ST6GALNAC3: variants seen among roughly 807,000 people sequenced by gnomAD.
The protein encoded by ST6GALNAC3 is ST6 N-acetylgalactosaminide alpha-2,6-sialyltransferase 3, also known as alpha-N-acetylgalactosaminide alpha-2,6-sialyltransferase 3.
In ST6GALNAC3, 25 loss-of-function variants were observed where a neutral mutation model predicts 32.7. The ratio of observed to expected loss-of-function variants is 0.76; its 90% CI spans 0.56 to 1.07. The LOEUF (loss-of-function observed/expected upper bound fraction) is 1.07, where lower values mean the gene tolerates loss of function less well. Ranked by LOEUF, ST6GALNAC3 falls within the 50% of genes least tolerant of loss-of-function variation. ST6GALNAC3 has a pLI of 0.00. For missense variants in ST6GALNAC3, 355 were observed against 382.4 expected, an observed-to-expected ratio of 0.93 and a Z score of 0.60; for synonymous variants, 129 against 133.1, an observed-to-expected ratio of 0.97 and a Z score of 0.21.
intron 2 of ST6GALNAC3, among the ~76,000 whole-genome samples, chr1:76,327,921 T>C (rs1373377513): frequency 1.3e-5 from 2 of 152,226 alleles, no homozygotes; most frequent in Non-Finnish European, 2.9e-5. Flanking sequence ...ATTTGGGTAC[T>C]ATGATGCAGT....
At chr1:76,427,074 G>GT (rs767008363) in intron 3 of ST6GALNAC3, among the ~76,000 whole-genome samples, 99 of 152,064 alleles carry the variant, frequency 6.5e-4, no homozygotes, top group Admixed American at 1.4e-3. Flanking sequence ...AAGAATCTCT[G>GT]TTGCCAACTT....
At chr1:76,282,152 T>C (rs754803623) in intron 1 of ST6GALNAC3, among the ~76,000 whole-genome samples, 20 of 151,400 alleles carry the variant, frequency 1.3e-4, no homozygotes, top group Non-Finnish European at 2.2e-4. Context: ...TGCTGAAGAG[T>C]TCTGGTTTCA....
chr1:76,401,677 A>G (rs1278564007), intron 2 of ST6GALNAC3, among the ~76,000 whole-genome samples: 7 of 152,230 alleles, frequency 4.6e-5, no homozygotes, highest in Admixed American at 3.3e-4. Flanking sequence ...TCTAAAGTCA[A>G]TAGAAGTTCA....
chr1:76,538,873 C>G (rs1021537917), intron 3 of ST6GALNAC3, among the ~76,000 whole-genome samples: 1 of 152,040 alleles, frequency 6.6e-6, no homozygotes, highest in African/African-American at 2.4e-5. Flanking sequence ...AGAGAGGACA[C>G]AAACAAATGG....
chr1:76,245,760 A>G (rs746870679), intron 1 of ST6GALNAC3, among the ~76,000 whole-genome samples: 27 of 151,752 alleles, frequency 1.8e-4, no homozygotes, highest in Non-Finnish European at 3.4e-4. Context: ...ATTTGATTGC[A>G]TTGTGGTTGG....
At chr1:76,350,227 A>G (rs534158238) in intron 2 of ST6GALNAC3, among the ~76,000 whole-genome samples, 41 of 152,102 alleles carry the variant, frequency 2.7e-4, no homozygotes, top group Non-Finnish European at 5.4e-4. Flanking sequence ...GGGTCTCCCT[A>G]TGTTGCCCAG....
chr1:76,450,441 T>G (rs1321612031), intron 3 of ST6GALNAC3, among the ~76,000 whole-genome samples: 2 of 152,206 alleles, frequency 1.3e-5, no homozygotes, highest in Non-Finnish European at 2.9e-5. Flanking sequence ...CTTGCTGACT[T>G]GAGTTCCTCG....
chr1:76,579,933 G>C (rs1332943266), intron 3 of ST6GALNAC3, among the ~76,000 whole-genome samples: 3 of 151,974 alleles, frequency 2.0e-5, no homozygotes, highest in Admixed American at 2.0e-4. Flanking sequence ...TAGTTGATTA[G>C]AGATTACAAA....
chr1:76,586,192 T>C (rs2100564133), intron 3 of ST6GALNAC3, among the ~76,000 whole-genome samples: 1 of 152,346 alleles, frequency 6.6e-6, no homozygotes. Context: ...ACAGGCACTG[T>C]ATAAACTATA....
intron 3 of ST6GALNAC3, among the ~76,000 whole-genome samples, chr1:76,621,267 G>A (rs190639968): frequency 3.7e-4 from 56 of 152,148 alleles, no homozygotes; most frequent in African/African-American, 1.3e-3. Context: ...TAGAAGTACA[G>A]TCTTCCTCTA....
At chr1:76,600,585 C>T (rs150965291) in intron 3 of ST6GALNAC3, among the ~76,000 whole-genome samples, 33 of 152,326 alleles carry the variant, frequency 2.2e-4, no homozygotes, top group African/African-American at 6.0e-4. Flanking sequence ...CCAGTCTCCA[C>T]CTCATCCAGT....
At chr1:76,468,969 T>C (rs1658841214) in intron 3 of ST6GALNAC3, among the ~76,000 whole-genome samples, 1 of 152,028 alleles carries the variant, frequency 6.6e-6, no homozygotes, top group African/African-American at 2.4e-5. Flanking sequence ...CCTGTTGATG[T>C]GGACTCATTT....
chr1:76,526,839 CTG>C (rs1335599871), intron 3 of ST6GALNAC3, among the ~76,000 whole-genome samples: 1 of 152,010 alleles, frequency 6.6e-6, no homozygotes, highest in African/African-American at 2.4e-5. Context: ...CCTAATTAAA[CTG>C]TATTGTTTAT....
At chr1:76,543,629 G>T (rs1335848464) in intron 3 of ST6GALNAC3, among the ~76,000 whole-genome samples, 1 of 152,080 alleles carries the variant, frequency 6.6e-6, no homozygotes, top group Non-Finnish European at 1.5e-5. Flanking sequence ...CAGAACTCCA[G>T]AGCTAAAATT....
At chr1:76,438,723 G>C (rs1465992988) in intron 3 of ST6GALNAC3, among the ~76,000 whole-genome samples, 3 of 151,934 alleles carry the variant, frequency 2.0e-5, no homozygotes, top group Non-Finnish European at 4.4e-5. Flanking sequence ...CCTCTCCTCT[G>C]AGCCAAATCT....
intron 2 of ST6GALNAC3, among the ~76,000 whole-genome samples, chr1:76,337,956 G>T (rs537352733): frequency 6.6e-6 from 1 of 152,144 alleles, no homozygotes; most frequent in Non-Finnish European, 1.5e-5. Flanking sequence ...TCACACAGGC[G>T]CTCCAGGGCT....
chr1:76,075,907 T>C (rs1353462044), intron 1 of ST6GALNAC3, among the ~76,000 whole-genome samples: 1 of 152,218 alleles, frequency 6.6e-6, no homozygotes, highest in Non-Finnish European at 1.5e-5. Context: ...GTAGCATTTA[T>C]TTCTCTATAA....
chr1:76,396,464 C>A (rs1418502250), intron 2 of ST6GALNAC3, among the ~76,000 whole-genome samples: 1 of 152,106 alleles, frequency 6.6e-6, no homozygotes, highest in Non-Finnish European at 1.5e-5. Context: ...GACGCTGTCT[C>A]AAGGAAAATA....
At chr1:76,374,113 C>A (rs1360357305) in intron 2 of ST6GALNAC3, among the ~76,000 whole-genome samples, 1 of 152,194 alleles carries the variant, frequency 6.6e-6, no homozygotes, top group Non-Finnish European at 1.5e-5. Context: ...TAAAAGAGAA[C>A]TCTTTTGTCA....
Sources: gnomAD v4.1 joint callset for allele counts (sites outside exome capture counted in the v4.1 genomes callset) on GRCh38, gnomAD v4.1.1 for gene constraint, MANE v1.5 for transcripts, NCBI Gene and HGNC (gene_info 2026-07-23, HGNC 2026-07-21) for gene names.